SCRG1: variants seen among roughly 807,000 people sequenced by gnomAD.
SCRG1 encodes scrapie-responsive protein 1.
Under a neutral mutation model 7.7 loss-of-function variants are expected in SCRG1, and 3 were observed. That is an observed-to-expected ratio of 0.39 (90% CI 0.18 to 1.01). SCRG1 has a LOEUF of 1.01. SCRG1 is among the 50% of genes least tolerant of loss of function. The pLI is 0.36. For missense variants in SCRG1, 110 were observed against 117.2 expected, an observed-to-expected ratio of 0.94 and a Z score of 0.28; for synonymous variants, 46 against 41.2, an observed-to-expected ratio of 1.12 and a Z score of -0.44.
At chr4:173,421,742 A>C in the SCRG1 span, among the ~76,000 whole-genome samples, 1 of 152,230 alleles carries the variant, frequency 6.6e-6, no homozygotes, top group Non-Finnish European at 1.5e-5. Context: ...ATGATGTAGA[A>C]AGAGAATATG....
chr4:173,439,593 CATT>C, the SCRG1 span, among the ~76,000 whole-genome samples: 1 of 150,722 alleles, frequency 6.6e-6, no homozygotes. Flanking sequence ...TAAAAATATA[CATT>C]ATTATATAAT....
At chr4:173,478,490 T>G in the SCRG1 span, among the ~76,000 whole-genome samples, 1 of 152,326 alleles carries the variant, frequency 6.6e-6, no homozygotes, top group Non-Finnish European at 1.5e-5. Flanking sequence ...AGAATTCATC[T>G]GCCTATAAGA....
At chr4:173,507,319 C>T in the SCRG1 span, among the ~76,000 whole-genome samples, 2 of 152,142 alleles carry the variant, frequency 1.3e-5, no homozygotes, top group Non-Finnish European at 2.9e-5. The surrounding 1 kb of genome is among the most constrained non-coding windows in gnomAD (Gnocchi z 4.4). Context: ...AAGCGATTCT[C>T]CTGCTTCAGC....
chr4:173,417,205 C>T, the SCRG1 span, among the ~76,000 whole-genome samples: 1 of 152,184 alleles, frequency 6.6e-6, no homozygotes, highest in African/African-American at 2.4e-5. Flanking sequence ...TTTAGCGCCA[C>T]CTGGTGTTAA....
chr4:173,510,235 C>G, the SCRG1 span, among the ~76,000 whole-genome samples: 1 of 152,036 alleles, frequency 6.6e-6, no homozygotes. The surrounding 1 kb of genome is among the most constrained non-coding windows in gnomAD (Gnocchi z 5.7). Context: ...AGTACTGAAG[C>G]CAGAATACTG....
intron 1 of SCRG1, among the ~76,000 whole-genome samples, chr4:173,396,012 T>A (rs1739592961): frequency 1.3e-5 from 2 of 152,176 alleles, no homozygotes; most frequent in African/African-American, 4.8e-5. Context: ...CTGGCTGGCC[T>A]GTGAAGATGT....
At chr4:173,484,476 A>ATATATAT in the SCRG1 span, among the ~76,000 whole-genome samples, 1 of 19,372 alleles carries the variant, frequency 5.2e-5, no homozygotes, top group Non-Finnish European at 9.9e-5. Context: ...ATAATATATA[A>ATATATAT]TATATATTAT....
rs888752547 is a variant in SCRG1 at position 173,404,989 on chromosome 4, G to C, written c.-747-557C>G. On this transcript the variant is annotated intron_variant and NMD_transcript_variant, in intron 1 of 8. Coordinates refer to the SCRG1 transcript ENST00000512188. ...CCTCTATTATTTAACTCTTACATTA[G>C]TGTGGTCCATTTTTTATAATTAATA... Among the ~76,000 whole-genome samples, 2 of 152,022 alleles carry C rather than the reference G, an allele frequency of 1.3e-5. 1 individual carries two copies. Among genetic ancestry groups the C allele is most frequent in the South Asian group, 4.1e-4 (2 of 4,822 alleles).
chr4:173,503,188 C>G, the SCRG1 span, among the ~76,000 whole-genome samples: 1 of 152,168 alleles, frequency 6.6e-6, no homozygotes. The surrounding 1 kb of genome is among the most constrained non-coding windows in gnomAD (Gnocchi z 6.4). Context: ...CTCCCAAGCC[C>G]CCAGTCATAT....
the SCRG1 span, among the ~76,000 whole-genome samples, chr4:173,422,836 A>G: frequency 1.2e-4 from 18 of 152,234 alleles, no homozygotes; most frequent in Non-Finnish European, 2.5e-4. Context: ...TTTAATTGCT[A>G]TAATTATAAC....
chr4:173,479,698 C>T, the SCRG1 span, among the ~76,000 whole-genome samples: 7 of 152,112 alleles, frequency 4.6e-5, no homozygotes, highest in East Asian at 5.8e-4. Flanking sequence ...CCTCCGTCTT[C>T]GAAATTGCTG....
the SCRG1 span, among the ~76,000 whole-genome samples, chr4:173,464,875 A>G: frequency 6.6e-6 from 1 of 152,226 alleles, no homozygotes; most frequent in Non-Finnish European, 1.5e-5. Flanking sequence ...TAAACAAAAC[A>G]TGGTATGTAC....
upstream of SCRG1, among the ~76,000 whole-genome samples, chr4:173,408,204 G>A (rs974318077): frequency 1.3e-5 from 2 of 152,160 alleles, no homozygotes; most frequent in African/African-American, 2.4e-5. Flanking sequence ...GATTGGGTAT[G>A]TGTTAGAGAG....
At chr4:173,428,964 A>G in the SCRG1 span, among the ~76,000 whole-genome samples, 1 of 152,198 alleles carries the variant, frequency 6.6e-6, no homozygotes, top group African/African-American at 2.4e-5. Context: ...TTATTACTCA[A>G]TTCAGTAATA....
chr4:173,427,425 A>C, the SCRG1 span, among the ~76,000 whole-genome samples: 3 of 152,276 alleles, frequency 2.0e-5, no homozygotes, highest in Non-Finnish European at 4.4e-5. Context: ...GAATCTCAAA[A>C]GCACAGAACC....
the SCRG1 span, among the ~76,000 whole-genome samples, chr4:173,517,842 C>A: frequency 6.6e-6 from 1 of 152,264 alleles, no homozygotes; most frequent in South Asian, 2.1e-4. Context: ...GGCCCTTAGC[C>A]TCGCCGGCCC....
rs189550009 is a variant in SCRG1 at position 173,391,464 on chromosome 4, T to G, written c.-14-36A>C. ...AGAAAGACCAAAATGTGTCAATGTT[T>G]GTTTTTTAAAGATAGAATTCATCTG... On this transcript the variant is annotated intron_variant, in intron 1 of 2. Transcript: ENST00000296506. 2.5e-4 allele frequency: 407 copies of G among 1,606,462 alleles called. 5 individuals carry two copies. In the African/African-American group the frequency reaches 5.0e-3, roughly 20 times the overall value.
chr4:173,461,397 G>A, the SCRG1 span, among the ~76,000 whole-genome samples: 4 of 152,218 alleles, frequency 2.6e-5, no homozygotes, highest in Non-Finnish European at 5.9e-5. Context: ...AGTAAGTAAG[G>A]GGAAAGAACA....
rs1324876452 is a variant in SCRG1, at chr4:173,385,057, T to C, written c.*3284A>G. On this transcript the variant is annotated 3_prime_UTR_variant, in exon 3 of 3. Transcript: ENST00000296506. ...ATGTAAACTTAGACAAACTACTTAA[T>C]ATCTTTAAACCTTAGCTTTTTTGTC... 1 of 149,444 alleles carries C rather than the reference T, an allele frequency of 6.7e-6. No homozygotes were observed. Among genetic ancestry groups the C allele is most frequent in the Non-Finnish European group, 1.5e-5 (1 of 66,044 alleles). 9.3% of individuals were successfully genotyped at this position (149,444 alleles called of 1,614,324 possible). A position where few individuals can be genotyped will look rare whatever the true frequency, so the allele number is the denominator to read the frequency against.
Sources: gnomAD v4.1 joint callset for allele counts (sites outside exome capture counted in the v4.1 genomes callset) on GRCh38, gnomAD v4.1.1 for gene constraint, Gnocchi (gnomAD v3.1) non-coding constraint, MANE v1.5 for transcripts, NCBI Gene and HGNC (gene_info 2026-07-23, HGNC 2026-07-21) for gene names.